The following SETX variants were observed in gnomAD, a reference collection of about 807,000 sequenced individuals.
The protein encoded by SETX is helicase senataxin.
Under a neutral mutation model 227.2 loss-of-function variants are expected in SETX, and 90 were observed. That is an observed-to-expected ratio of 0.40 (90% CI 0.33 to 0.47). SETX has a LOEUF of 0.47. Among genes scored for constraint, SETX ranks in the 20% least tolerant of loss-of-function variants. The probability of loss-of-function intolerance (pLI) is 0.91; values close to 1 mark genes in which losing one functional copy is unlikely to be tolerated. For synonymous variants in SETX, 1,210 were observed against 1,113.2 expected (o/e 1.09, Z -1.73); for missense variants, 3,052 against 3,181.5 (o/e 0.96, Z 0.98).
intron 10 of SETX, among the ~76,000 whole-genome samples, chr9:132,323,292 T>C (rs567668431): frequency 6.6e-6 from 1 of 152,232 alleles, no homozygotes; most frequent in South Asian, 2.1e-4. Context: ...AGAAAAGACA[T>C]CCTGGCATTA....
At position 132,335,213 on chromosome 9, in the gene SETX, A is replaced by C. The variant is rs375851326; in HGVS notation, c.719-486T>G. Among the ~76,000 whole-genome samples the C allele has an allele frequency of 1.1e-4, 17 of 151,406 alleles. No homozygotes were observed. In the East Asian group the frequency reaches 1.6e-3, roughly 14 times the overall value. On this transcript the variant is annotated intron_variant, in intron 6 of 25. Transcript: ENST00000224140. ...AGACCATCCTGGCTAACATGGTGAAACCCCGTCTCTACTAAAAATACAAAA... is the reference window on the plus strand; with the variant it reads ...AGACCATCCTGGCTAACATGGTGAACCCCCGTCTCTACTAAAAATACAAAA...
intron 25 of SETX, among the ~76,000 whole-genome samples, chr9:132,265,223 T>TA (rs1750368897): frequency 1.5e-5 from 2 of 131,476 alleles, no homozygotes; most frequent in African/African-American, 6.9e-5. Context: ...CTTCAACTTT[T>TA]GTTTTTTTTT....
At position 132,283,427 on chromosome 9, in the gene SETX, G is replaced by C. The variant is rs771514233; in HGVS notation, c.6397-14C>G. The C allele has an allele frequency of 6.2e-7, 1 of 1,614,042 alleles. No individual in the cohort carries two copies. Among genetic ancestry groups the C allele is most frequent in the Non-Finnish European group, 8.5e-7 (1 of 1,179,976 alleles). On this transcript the variant is annotated splice_polypyrimidine_tract_variant and intron_variant, in intron 18 of 25. Transcript: ENST00000224140. ...GCGTCCTTGAACCTAAGAGAACAAA[G>C]GTTAAATCAATATTCAGCTGTACAT... is the stretch of plus-strand genomic sequence containing the variant.
chr9:132,349,154 C>T (rs532936643), intron 3 of SETX, 98 bp downstream of exon 3: 13 of 1,197,042 alleles, frequency 1.1e-5, no homozygotes, highest in Admixed American at 1.9e-5. Context: ...AAGTTGAAAT[C>T]GTATCATCAT....
intron 10 of SETX, among the ~76,000 whole-genome samples, chr9:132,322,852 TTAGC>T (rs1846451054): frequency 1.6e-5 from 2 of 124,370 alleles, no homozygotes; most frequent in African/African-American, 5.9e-5. Flanking sequence ...ATCATAAACT[TTAGC>T]TAATAAAAAA....
At chr9:132,348,364 AAAAAAAAACAAAAC>A (rs1315239740) in intron 3 of SETX, among the ~76,000 whole-genome samples, 1 of 32,780 alleles carries the variant, frequency 3.1e-5, no homozygotes, top group Non-Finnish European at 5.8e-5. Flanking sequence ...CTCTGTCTCA[AAAAAAAAACAAAAC>A]AAAAAAAAAA....
chr9:132,320,279 C>CA lies in SETX; in HGVS notation c.5274+6044dup, dbSNP rs1034036161. On this transcript the variant is annotated intron_variant, in intron 10 of 25. Transcript: ENST00000224140. ...GGATATAAACCAAATTTGGTAACCC[C>CA]AAAAAAAAAGTCTAGGCCGGGCGCA... 2.7e-5 allele frequency among the ~76,000 whole-genome samples: 4 copies of CA among 150,674 alleles called. No individual in the cohort carries two copies. The East Asian group carries it at 5.8e-4, about 22-fold the overall frequency.
In SETX at chr9:132,300,738, C is replaced by G; in HGVS notation, c.5440G>C (p.Ala1814Pro). 6.2e-7 allele frequency: 1 copy of G among 1,613,610 alleles called. No individual in the cohort carries two copies. The change falls in exon 12 of 26, where the codon GCT becomes CCT. Residue 1814 changes from alanine (A) to proline (P), a missense_variant. By Grantham distance (27) the Ala-to-Pro change is conservative (BLOSUM62 -1). Transcript: ENST00000224140. ...TTCTCTTCATTTATTCTCTCAGGAG[C>G]TAAAAACACCAAATCGTTTTCCTTT... is the stretch of plus-strand genomic sequence containing the variant. ...YPKENDLVFL[A>P]PERINEEKKD...
At chr9:132,297,987 T>C in intron 13 of SETX, 93 bp downstream of exon 13, 1 of 1,073,860 alleles carries the variant, frequency 9.3e-7, no homozygotes. Context: ...AACACATTTT[T>C]GTTGTAAACA....
At position 132,326,390 on chromosome 9, in the gene SETX, T is replaced by C. The variant is rs1476989281; in HGVS notation, c.5208A>G (p.Arg1736=). 6 of 1,614,060 alleles carry C rather than the reference T, an allele frequency of 3.7e-6. No homozygotes were observed. Among genetic ancestry groups the C allele is most frequent in the Non-Finnish European group, 4.2e-6 (5 of 1,179,960 alleles). The change falls in exon 10 of 26, where the codon AGA becomes AGG. Residue 1736 remains arginine, a synonymous_variant. Coordinates refer to ENST00000224140, the MANE Select transcript of SETX (RefSeq NM_015046.7). ...TAAAATAATCTCCATAATTGTGAAA[T>C]CTGACAGGCACAGGTCTTGAGATGG... The part of the protein sequence containing the change: ...CQSISRPVPV[R]FHNYGDYFNV...
Position 132,262,336 on chromosome 9 carries a change from A to G in SETX, c.*1903T>C, listed in dbSNP as rs1842441516. The G allele has an allele frequency of 6.6e-6, 1 of 152,244 alleles. No individual in the cohort carries two copies. Among genetic ancestry groups the G allele is most frequent in the South Asian group, 2.1e-4 (1 of 4,836 alleles). The allele number at this position is 152,244 out of a possible 1,614,324, so 9.4% of individuals were successfully genotyped here. Reference sequence around the variant, plus strand: ...CAACGTTTTTGCCATGCCTCCCTTTAGAAGCTTAGGAGTTTGTACATTCCC... The same window carrying G: ...CAACGTTTTTGCCATGCCTCCCTTTGGAAGCTTAGGAGTTTGTACATTCCC... On this transcript the variant is annotated 3_prime_UTR_variant, in exon 26 of 26. Transcript: ENST00000224140.
Position 132,329,200 on chromosome 9 carries a change from T to C in SETX, c.2398A>G (p.Arg800Gly). Residue 800 changes from arginine (R) to glycine (G), a missense_variant, in exon 10 of 26, where the codon AGG (arginine) becomes GGG (glycine). Physicochemically the swap from Arg to Gly is moderately radical, Grantham distance 125 (BLOSUM62 -2). Coordinates refer to ENST00000224140, the MANE Select transcript of SETX (RefSeq NM_015046.7). ...KLSHVIKKQH[R>G]KSTLVDNTIN... ...GTATTATCGACCAAAGTACTCTTCCTGTGTTGCTTCTTTATTACATGTGAT... is the reference window on the plus strand; with the variant it reads ...GTATTATCGACCAAAGTACTCTTCCCGTGTTGCTTCTTTATTACATGTGAT... 1 of 1,613,788 alleles carries C rather than the reference T, an allele frequency of 6.2e-7. No individual in the cohort carries two copies. The highest frequency in any genetic ancestry group is 8.5e-7 in the Non-Finnish European group (1 of 1,179,928).
rs748995546 is a variant in SETX at position 132,322,334 on chromosome 9, G to A, written c.5274+3990C>T. 5.3e-5 allele frequency among the ~76,000 whole-genome samples: 8 copies of A among 151,714 alleles called. No homozygotes were observed. The East Asian group carries it at 5.8e-4, about 11-fold the overall frequency. On this transcript the variant is annotated intron_variant, in intron 10 of 25. Transcript: ENST00000224140. ...GCAACCATCACCACTACCTAATTCC[G>A]CACCATTTCCATCACCCCAAAAGAA...
At chr9:132,269,792 G>T in intron 24 of SETX, 90 bp from the exon 25 acceptor site, 1 of 1,276,938 alleles carries the variant, frequency 7.8e-7, no homozygotes, top group Non-Finnish European at 1.1e-6. Flanking sequence ...GACTCAACGT[G>T]CCCGTGTCTG....
Position 132,264,479 on chromosome 9 carries a change from G to A in SETX, c.7794C>T (p.Ser2598=). 6.2e-7 allele frequency: 1 copy of A among 1,613,494 alleles called. No individual in the cohort carries two copies. The highest frequency in any genetic ancestry group is 8.5e-7 in the Non-Finnish European group (1 of 1,179,816). The change falls in exon 26 of 26, where the codon AGC becomes AGT. Residue 2598 remains serine, a synonymous_variant. Coordinates refer to ENST00000224140, the MANE Select transcript of SETX (RefSeq NM_015046.7). The stretch of plus-strand genomic sequence containing the variant: ...CGCCCCGCACGGGAGGTTTGTGGCT[G>A]CTCAGAGCAGCCACTACAGCAGCGG... ...QQPAAVVAAL[S]SHKPPVRGEP...
rs535964534 is a variant in SETX, at chr9:132,347,598, C to T, written c.178-1127G>A. On this transcript the variant is annotated intron_variant, in intron 3 of 25. Transcript: ENST00000224140. ...GTGCTGGGATTACAGGTGTAAGCTA[C>T]AGCACTCAGCCTTAAACACTTCTCT... 4.8e-4 allele frequency among the ~76,000 whole-genome samples: 73 copies of T among 151,828 alleles called. 1 individual carries two copies. In the South Asian group the frequency reaches 0.014, roughly 30 times the overall value.
chr9:132,294,188 G>A (rs1284511679), intron 15 of SETX, among the ~76,000 whole-genome samples: 2 of 152,138 alleles, frequency 1.3e-5, no homozygotes, highest in Non-Finnish European at 2.9e-5. Context: ...CACAGGGACT[G>A]CTCTCAGGAG....
At position 132,328,874 on chromosome 9, in the gene SETX, C is replaced by T. The variant is rs1564543686; in HGVS notation, c.2724G>A (p.Lys908=). 6.2e-7 allele frequency: 1 copy of T among 1,613,940 alleles called. No homozygotes were observed. The highest frequency in any genetic ancestry group is 8.5e-7 in the Non-Finnish European group (1 of 1,179,938). ...TAAGATCTTTAAAGGGAGATGATTT[C>T]TTCTCTGAAGCATTGGTCATTTCTG... The part of the protein sequence containing the change: ...PFTEMTNASE[K]KSSPFKDLMT... The change falls in exon 10 of 26, where the codon AAG becomes AAA. Residue 908 remains lysine, a synonymous_variant. Transcript: ENST00000224140.
chr9:132,308,708 C>A (rs1845474285), intron 11 of SETX, among the ~76,000 whole-genome samples: 1 of 152,078 alleles, frequency 6.6e-6, no homozygotes, highest in Non-Finnish European at 1.5e-5. Flanking sequence ...AAAAATTTAA[C>A]CTAAATAACT....
Sources: gnomAD v4.1 joint callset for allele counts (sites outside exome capture counted in the v4.1 genomes callset) on GRCh38, gnomAD v4.1.1 for gene constraint, MANE v1.5 for transcripts, NCBI Gene and HGNC (gene_info 2026-07-23, HGNC 2026-07-21) for gene names.